Variants in CDH12 observed in about 807,000 individuals in gnomAD.
CDH12 encodes cadherin-12.
In CDH12, 41 loss-of-function variants were observed where a neutral mutation model predicts 74.1. The observed-to-expected ratio is 0.55, with a 90% CI of 0.43 to 0.72. The LOEUF (loss-of-function observed/expected upper bound fraction) is 0.72, where lower values mean the gene tolerates loss of function less well. CDH12 is among the 30% of genes least tolerant of loss of function. CDH12 has a pLI of 0.00. For synonymous variants in CDH12, 399 were observed against 355.0 expected, an observed-to-expected ratio of 1.12 and a Z score of -1.39; for missense variants, 945 against 977.2, an observed-to-expected ratio of 0.97 and a Z score of 0.44.
chr5:21,943,663 A>G (rs936958278), intron 6 of CDH12, among the ~76,000 whole-genome samples: 1 of 152,184 alleles, frequency 6.6e-6, no homozygotes, highest in African/African-American at 2.4e-5. Context: ...AATTAAAGAG[A>G]TAGAAAATGG....
intron 6 of CDH12, among the ~76,000 whole-genome samples, chr5:21,949,612 C>G (rs1310795252): frequency 1.3e-5 from 2 of 152,000 alleles, no homozygotes; most frequent in Admixed American, 6.6e-5. Flanking sequence ...AGGTAGAAAA[C>G]AGTGATGTTG....
chr5:22,779,704 G>A (rs1383618850), intron 1 of CDH12, among the ~76,000 whole-genome samples: 3 of 152,144 alleles, frequency 2.0e-5, no homozygotes, highest in South Asian at 2.1e-4. Context: ...TCTTTTACAT[G>A]CGTTCTAACT....
chr5:22,333,420 C>A (rs1739430586), intron 3 of CDH12, among the ~76,000 whole-genome samples: 1 of 152,020 alleles, frequency 6.6e-6, no homozygotes. Context: ...TATCATGACA[C>A]ACATGTAACT....
At chr5:22,218,590 ATTGCAGAGGTCACAAGAAAAC>A (rs1007104432) in intron 3 of CDH12, among the ~76,000 whole-genome samples, 1 of 151,806 alleles carries the variant, frequency 6.6e-6, no homozygotes, top group Admixed American at 6.6e-5. Flanking sequence ...GGAATGAGAA[ATTGCAGAGGTCACAAGAAAAC>A]CCTTGGGACA....
intron 13 of CDH12, among the ~76,000 whole-genome samples, chr5:21,756,370 T>C (rs900637885): frequency 2.0e-5 from 3 of 152,090 alleles, no homozygotes; most frequent in Non-Finnish European, 4.4e-5. Flanking sequence ...GCATATCAGC[T>C]GGAATAAGAA....
chr5:22,529,198 G>T (rs1972663), intron 1 of CDH12, among the ~76,000 whole-genome samples: 7,533 of 93,222 alleles, frequency 0.081, 301 homozygotes, highest in Non-Finnish European at 0.11. Flanking sequence ...TAGAGAGAGA[G>T]AGAGAGAGAG....
At chr5:21,978,765 C>T (rs2963526) in intron 5 of CDH12, among the ~76,000 whole-genome samples, 5 of 152,008 alleles carry the variant, frequency 3.3e-5, no homozygotes, top group Non-Finnish European at 5.9e-5. Flanking sequence ...TGTATGTATA[C>T]GCACGTGTTT....
At chr5:22,818,568 C>T (rs116420195) in intron 1 of CDH12, among the ~76,000 whole-genome samples, 1,601 of 152,228 alleles carry the variant, frequency 0.011, 15 homozygotes, top group Non-Finnish European at 0.016. Flanking sequence ...GCAATGACAT[C>T]ATTTGACATA....
chr5:22,454,164 C>A (rs1745174945), intron 2 of CDH12, among the ~76,000 whole-genome samples: 1 of 151,978 alleles, frequency 6.6e-6, no homozygotes, highest in Non-Finnish European at 1.5e-5. Context: ...TTTGAATTTG[C>A]CTTTATTTTT....
intron 4 of CDH12, among the ~76,000 whole-genome samples, chr5:22,165,501 T>TAC (rs1249374248): frequency 3.0e-4 from 15 of 50,450 alleles, no homozygotes; most frequent in Admixed American, 2.1e-3. Flanking sequence ...CACATACACA[T>TAC]ACACACACAC....
intron 2 of CDH12, among the ~76,000 whole-genome samples, chr5:22,425,999 C>T (rs1743917009): frequency 6.6e-6 from 1 of 151,686 alleles, no homozygotes; most frequent in Admixed American, 6.6e-5. Flanking sequence ...CCACCCTGGC[C>T]AACATGATGA....
chr5:22,760,912 C>A (rs372956719), intron 1 of CDH12, among the ~76,000 whole-genome samples: 111 of 152,000 alleles, frequency 7.3e-4, no homozygotes, highest in African/African-American at 2.5e-3. Context: ...ACAAAAAAAC[C>A]CCACTTTTTT....
chr5:21,789,949 T>A (rs2149906081), intron 10 of CDH12, among the ~76,000 whole-genome samples: 1 of 152,234 alleles, frequency 6.6e-6, no homozygotes, highest in Non-Finnish European at 1.5e-5. Context: ...TTTGCACAGA[T>A]CCTATTCTTC....
At position 22,728,432 on chromosome 5, in the gene CDH12, G is replaced by A. The variant is rs1193041035; in HGVS notation, c.-523+124626C>T. Among the ~76,000 whole-genome samples, 3 of 151,756 alleles carry A rather than the reference G, an allele frequency of 2.0e-5. No homozygotes were observed. The Admixed American group carries it at 2.0e-4, about 10-fold the overall frequency. ...GTTTCTTCCGGTAGTCATTCACGTT[G>A]TTTTATCTCCTCAATTGCTTTATCT... is the stretch of plus-strand genomic sequence containing the variant. On this transcript the variant is annotated intron_variant, in intron 1 of 14. Coordinates refer to ENST00000382254, the MANE Select transcript of CDH12 (RefSeq NM_004061.5).
intron 2 of CDH12, among the ~76,000 whole-genome samples, chr5:22,465,500 G>A (rs377023354): frequency 6.6e-6 from 1 of 152,126 alleles, no homozygotes; most frequent in African/African-American, 2.4e-5. Context: ...TTAAAAATTA[G>A]CTAGGCATTC....
At chr5:22,538,219 C>T (rs534019931) in intron 1 of CDH12, among the ~76,000 whole-genome samples, 23 of 152,260 alleles carry the variant, frequency 1.5e-4, no homozygotes, top group African/African-American at 5.5e-4. Flanking sequence ...TAAAAATCCT[C>T]ATTTCTTCAC....
intron 4 of CDH12, among the ~76,000 whole-genome samples, chr5:22,155,556 A>C (rs1413408206): frequency 3.3e-5 from 5 of 152,172 alleles, no homozygotes; most frequent in African/African-American, 4.8e-5. Context: ...TATATGTTAG[A>C]GAAATATAGT....
At chr5:21,887,471 C>A (rs901715169) in intron 6 of CDH12, among the ~76,000 whole-genome samples, 1 of 152,146 alleles carries the variant, frequency 6.6e-6, no homozygotes, top group African/African-American at 2.4e-5. Flanking sequence ...ATAGACAGAT[C>A]TTCCTCCCAT....
intron 1 of CDH12, among the ~76,000 whole-genome samples, chr5:22,507,865 G>T (rs1368896881): frequency 4.6e-5 from 7 of 152,150 alleles, no homozygotes; most frequent in Admixed American, 4.6e-4. Context: ...AGAGGGTCTA[G>T]GGGAAAATCC....
Sources: gnomAD v4.1 joint callset for allele counts (sites outside exome capture counted in the v4.1 genomes callset) on GRCh38, gnomAD v4.1.1 for gene constraint, MANE v1.5 for transcripts, NCBI Gene and HGNC (gene_info 2026-07-23, HGNC 2026-07-21) for gene names.